The following ORC4 variants were observed in gnomAD, a reference collection of about 807,000 sequenced individuals.
The protein encoded by ORC4 is origin recognition complex subunit 4.
In ORC4, 55 loss-of-function variants were observed where a neutral mutation model predicts 63.9. The ratio of observed to expected loss-of-function variants is 0.86; its 90% CI spans 0.69 to 1.08. ORC4 has a LOEUF of 1.08. Ranked by LOEUF, ORC4 falls within the 50% of genes least tolerant of loss-of-function variation. The pLI is 0.00. For synonymous variants in ORC4, 150 were observed against 168.5 expected, an observed-to-expected ratio of 0.89 and a Z score of 0.85; for missense variants, 511 against 504.4, an observed-to-expected ratio of 1.01 and a Z score of -0.13.
chr2:147,961,512 G>C (rs1689591135), intron 4 of ORC4, among the ~76,000 whole-genome samples: 1 of 151,558 alleles, frequency 6.6e-6, no homozygotes. Context: ...AATTATATCT[G>C]ACAATTTATT....
At chr2:147,997,498 C>T (rs1692041506) in intron 1 of ORC4, among the ~76,000 whole-genome samples, 3 of 152,030 alleles carry the variant, frequency 2.0e-5, no homozygotes, top group South Asian at 4.1e-4. Flanking sequence ...TATTCAAGAG[C>T]ATAATTCCTA....
At chr2:147,954,876 ATGG>A (rs1234067622) in intron 7 of ORC4, among the ~76,000 whole-genome samples, 1 of 152,112 alleles carries the variant, frequency 6.6e-6, no homozygotes, top group East Asian at 1.9e-4. Context: ...AATGTTAAAG[ATGG>A]TGCCTTTTAA....
intron 1 of ORC4, among the ~76,000 whole-genome samples, chr2:147,981,176 G>C (rs1477220526): frequency 6.6e-6 from 1 of 152,182 alleles, no homozygotes; most frequent in Non-Finnish European, 1.5e-5. Flanking sequence ...ATCCATGGGA[G>C]ATGAATTCCA....
chr2:148,007,445 A>G (rs988953332), intron 1 of ORC4, among the ~76,000 whole-genome samples: 5 of 152,212 alleles, frequency 3.3e-5, no homozygotes, highest in Admixed American at 1.3e-4. Context: ...CGAAAATTCA[A>G]CAAGCTGAAA....
chr2:147,933,414 A>T lies in ORC4; in HGVS notation c.*2096T>A, dbSNP rs1257718435. The T allele has an allele frequency of 6.6e-6, 1 of 152,130 alleles. No homozygotes were observed. The highest frequency in any genetic ancestry group is 1.5e-5 in the Non-Finnish European group (1 of 68,012). The allele number at this position is 152,130 out of a possible 1,614,324, so 9.4% of individuals were successfully genotyped here. A position where few individuals can be genotyped will look rare whatever the true frequency, so the allele number is the denominator to read the frequency against. On this transcript the variant is annotated 3_prime_UTR_variant, in exon 14 of 14. Coordinates refer to ENST00000392857, the MANE Select transcript of ORC4 (RefSeq NM_181741.4). ...TCCTCCCCACAAAAATGCCTTGGGA[A>T]TATAATAGGCGTACACTTCATTTGT...
intron 11 of ORC4, 33 bp downstream of exon 11, chr2:147,939,107 A>C (rs1014904666): frequency 7.7e-7 from 1 of 1,303,482 alleles, no homozygotes; most frequent in African/African-American, 1.5e-5. Flanking sequence ...AGTTTTAAAA[A>C]CCACAATTTA....
At position 147,948,139 on chromosome 2, in the gene ORC4, T is replaced by G; in HGVS notation, c.674A>C (p.Gln225Pro). The change falls in exon 9 of 14, where the codon CAG becomes CCG. Residue 225 changes from glutamine (Q) to proline (P), a missense_variant. Physicochemically the swap from Gln to Pro is moderately conservative, Grantham distance 76. Coordinates refer to ENST00000392857, the MANE Select transcript of ORC4 (RefSeq NM_181741.4). Reference protein sequence around the residue: ...IHLMNSFGFPQYVKIFKEQLS... With the variant: ...IHLMNSFGFPPYVKIFKEQLS... ...CTGTTCTTTAAATATTTTAACATAC[T>G]GTGGAAAACCAAATGAATTCATTAA... 1 of 1,610,846 alleles carries G rather than the reference T, an allele frequency of 6.2e-7. No individual in the cohort carries two copies. The highest frequency in any genetic ancestry group is 8.5e-7 in the Non-Finnish European group (1 of 1,177,418).
chr2:147,949,241 A>G (rs898599423), intron 8 of ORC4, among the ~76,000 whole-genome samples: 1 of 152,000 alleles, frequency 6.6e-6, no homozygotes, highest in Admixed American at 6.6e-5. Flanking sequence ...AAAGTGTGGT[A>G]TATCTACACA....
intron 1 of ORC4, among the ~76,000 whole-genome samples, chr2:148,009,979 G>A (rs908436962): frequency 2.6e-5 from 4 of 152,032 alleles, no homozygotes; most frequent in African/African-American, 4.8e-5. Context: ...ATGTTAGGCC[G>A]CAAAACAAGT....
In ORC4 at chr2:147,960,452, T is replaced by C. The variant is rs910656607; in HGVS notation, c.226-1586A>G. 1.3e-5 allele frequency: 8 copies of C among 639,914 alleles called. No homozygotes were observed. In the African/African-American group the frequency reaches 1.6e-4, roughly 13 times the overall value. 39.6% of individuals were successfully genotyped at this position (639,914 alleles called of 1,614,324 possible). On this transcript the variant is annotated intron_variant, in intron 4 of 13. Coordinates refer to ENST00000392857, the MANE Select transcript of ORC4 (RefSeq NM_181741.4). ...TATCATTTCAAATATTTAAACTACA[T>C]TATACACTAAAAATATTTAGTTGGT...
chr2:147,974,293 T>C (rs1690393645), intron 2 of ORC4, among the ~76,000 whole-genome samples: 1 of 152,150 alleles, frequency 6.6e-6, no homozygotes, highest in Non-Finnish European at 1.5e-5. Context: ...AATTTCTGTA[T>C]CTATAAAATA....
At chr2:148,013,172 G>T (rs1039687568) in intron 1 of ORC4, among the ~76,000 whole-genome samples, 1 of 152,060 alleles carries the variant, frequency 6.6e-6, no homozygotes, top group African/African-American at 2.4e-5. Context: ...GCCAGGATAT[G>T]GAATCAACCT....
chr2:147,987,391 T>TATATATAC (rs1553458407), intron 1 of ORC4, among the ~76,000 whole-genome samples: 1 of 136,622 alleles, frequency 7.3e-6, no homozygotes, highest in African/African-American at 2.6e-5. Flanking sequence ...TGTATATATA[T>TATATATAC]ACACACACAC....
chr2:147,949,703 G>C (rs1385959601), intron 8 of ORC4, among the ~76,000 whole-genome samples: 1 of 152,076 alleles, frequency 6.6e-6, no homozygotes, highest in Admixed American at 6.6e-5. Context: ...AATACTTACT[G>C]ATAAAATGAT....
rs551394731 is a variant in ORC4 at position 148,018,092 on chromosome 2, CA to C, written c.-18+2540del. 2.0e-5 allele frequency among the ~76,000 whole-genome samples: 3 copies of C among 151,914 alleles called. No individual in the cohort carries two copies. The South Asian group carries it at 6.2e-4, about 32-fold the overall frequency. On this transcript the variant is annotated intron_variant, in intron 1 of 13. Transcript: ENST00000392857. ...AGTAAAACAGACAACCCAATTAAAACAAAAAACAAACAAACAAAAAAACCTC... is the reference window on the plus strand; with the variant it reads ...AGTAAAACAGACAACCCAATTAAAACAAAAACAAACAAACAAAAAAACCTC...
intron 1 of ORC4, among the ~76,000 whole-genome samples, chr2:148,004,593 C>T (rs539549699): frequency 1.3e-5 from 2 of 152,240 alleles, no homozygotes; most frequent in Non-Finnish European, 2.9e-5. Context: ...CTGGCCCCCC[C>T]TTCCTTACAC....
chr2:147,969,415 T>C (rs892906365), intron 4 of ORC4, among the ~76,000 whole-genome samples: 2 of 152,070 alleles, frequency 1.3e-5, no homozygotes, highest in African/African-American at 4.8e-5. Flanking sequence ...ATAATTATTA[T>C]GAGTCAATTT....
chr2:147,935,659 T>C lies in ORC4; in HGVS notation c.1162A>G (p.Met388Val), dbSNP rs2105247386. ...HLQQLELIKP[M>V]ERTSGNSQRE... ...TGTGAATTTCCTGAAGTTCTTTCCA[T>C]GGGCTTTATTAATTCTAATTGCTGC... is the stretch of plus-strand genomic sequence containing the variant. The change falls in exon 14 of 14, where the codon ATG becomes GTG. Residue 388 changes from methionine to valine, a missense_variant. Met to Val is a conservative substitution (Grantham distance 21). Transcript: ENST00000392857. 1.9e-6 allele frequency: 3 copies of C among 1,613,396 alleles called. No individual in the cohort carries two copies. The highest frequency in any genetic ancestry group is 2.5e-6 in the Non-Finnish European group (3 of 1,179,804).
intron 1 of ORC4, among the ~76,000 whole-genome samples, chr2:147,988,003 A>G (rs1280638459): frequency 6.6e-6 from 1 of 151,502 alleles, no homozygotes; most frequent in Non-Finnish European, 1.5e-5. Context: ...CAGTGAGCCA[A>G]GATAGAGCCA....
Sources: gnomAD v4.1 joint callset for allele counts (sites outside exome capture counted in the v4.1 genomes callset) on GRCh38, gnomAD v4.1.1 for gene constraint, MANE v1.5 for transcripts, NCBI Gene and HGNC (gene_info 2026-07-23, HGNC 2026-07-21) for gene names.